GTF2F2: variants seen among roughly 807,000 people sequenced by gnomAD.
GTF2F2 encodes the protein general transcription factor IIF subunit 2.
GTF2F2 carries 23 observed loss-of-function variants against 42.2 expected under a neutral mutation model. The ratio of observed to expected loss-of-function variants is 0.55; its 90% CI spans 0.39 to 0.77. GTF2F2 has a LOEUF of 0.77. GTF2F2 is among the 30% of genes least tolerant of loss of function. The probability of loss-of-function intolerance (pLI) is 0.00; values close to 1 mark genes in which losing one functional copy is unlikely to be tolerated. For synonymous variants in GTF2F2, 105 were observed against 100.8 expected, an observed-to-expected ratio of 1.04 and a Z score of -0.25; for missense variants, 261 against 287.2, an observed-to-expected ratio of 0.91 and a Z score of 0.66.
intron 7 of GTF2F2, among the ~76,000 whole-genome samples, chr13:45,270,523 C>T (rs1307610256): frequency 6.6e-6 from 1 of 152,098 alleles, no homozygotes; most frequent in Non-Finnish European, 1.5e-5. Context: ...TATAAAGCCA[C>T]CAATTTCACT....
chr13:45,130,936 A>T (rs1338684410), intron 1 of GTF2F2, among the ~76,000 whole-genome samples: 1 of 152,144 alleles, frequency 6.6e-6, no homozygotes. Flanking sequence ...AAGCCACGAG[A>T]CTGGATGAAG....
At chr13:45,211,708 C>T (rs1335032454) in intron 5 of GTF2F2, among the ~76,000 whole-genome samples, 1 of 152,006 alleles carries the variant, frequency 6.6e-6, no homozygotes, top group Non-Finnish European at 1.5e-5. Context: ...CTGCCTCAGC[C>T]TCCCAAGTAG....
chr13:45,224,333 C>G (rs1423118116), intron 5 of GTF2F2, among the ~76,000 whole-genome samples: 2 of 152,120 alleles, frequency 1.3e-5, no homozygotes, highest in African/African-American at 4.8e-5. Flanking sequence ...AGCAAAGAAT[C>G]CAGTTTAAAA....
intron 5 of GTF2F2, among the ~76,000 whole-genome samples, chr13:45,245,666 A>AATATATATATATATAT (rs372488927): frequency 3.3e-4 from 37 of 110,840 alleles, no homozygotes; most frequent in African/African-American, 1.0e-3. Flanking sequence ...CCATGGTGTG[A>AATATATATATATATAT]ATATATATAT....
At chr13:45,246,334 A>G (rs1875613768) in intron 5 of GTF2F2, among the ~76,000 whole-genome samples, 1 of 152,086 alleles carries the variant, frequency 6.6e-6, no homozygotes, top group African/African-American at 2.4e-5. Flanking sequence ...TTTAAATTAT[A>G]GCCATTCTTG....
At chr13:45,243,909 C>T (rs1376723381) in intron 5 of GTF2F2, among the ~76,000 whole-genome samples, 1 of 152,218 alleles carries the variant, frequency 6.6e-6, no homozygotes, top group African/African-American at 2.4e-5. Context: ...GATCCACCCA[C>T]CTTGGCCTCC....
At chr13:45,187,275 A>G (rs1383839186) in intron 4 of GTF2F2, among the ~76,000 whole-genome samples, 1 of 152,144 alleles carries the variant, frequency 6.6e-6, no homozygotes, top group Non-Finnish European at 1.5e-5. Flanking sequence ...TAAAAGGGGT[A>G]TGTTTTAATT....
chr13:45,153,011 A>ATTTT (rs374461737), intron 4 of GTF2F2, among the ~76,000 whole-genome samples: 1 of 141,672 alleles, frequency 7.1e-6, no homozygotes. Context: ...ATCCTCGTAA[A>ATTTT]TTTTTTTTTT....
chr13:45,274,323 C>CTTTTTTTTTTT (rs367793010), intron 7 of GTF2F2, among the ~76,000 whole-genome samples: 1 of 102,428 alleles, frequency 9.8e-6, no homozygotes, highest in African/African-American at 4.3e-5. Flanking sequence ...ACAAATTATA[C>CTTTTTTTTTTT]TTTTTTTTTT....
chr13:45,159,532 C>T (rs999795707), intron 4 of GTF2F2, among the ~76,000 whole-genome samples: 2 of 152,142 alleles, frequency 1.3e-5, no homozygotes, highest in African/African-American at 4.8e-5. Flanking sequence ...CAGAATACTC[C>T]AAGTAGCAGA....
At chr13:45,136,255 A>G (rs1869613621) in intron 1 of GTF2F2, among the ~76,000 whole-genome samples, 1 of 152,222 alleles carries the variant, frequency 6.6e-6, no homozygotes, top group Admixed American at 6.5e-5. Context: ...GGATTATATA[A>G]ATGTTAGCTA....
At chr13:45,146,515 A>C (rs1040845066) in intron 2 of GTF2F2, among the ~76,000 whole-genome samples, 1 of 152,112 alleles carries the variant, frequency 6.6e-6, no homozygotes, top group East Asian at 1.9e-4. Context: ...AAAACAAAAC[A>C]AAACCAACAA....
chr13:45,211,279 A>G (rs1305229050), intron 5 of GTF2F2, among the ~76,000 whole-genome samples: 2 of 152,192 alleles, frequency 1.3e-5, no homozygotes, highest in Admixed American at 1.3e-4. Context: ...GTACCAAGGT[A>G]TAAATTATCA....
At chr13:45,250,421 C>G (rs933080289) in intron 5 of GTF2F2, among the ~76,000 whole-genome samples, 1 of 152,144 alleles carries the variant, frequency 6.6e-6, no homozygotes, top group Non-Finnish European at 1.5e-5. Context: ...TTAATATTTT[C>G]TTTTTATCAG....
At chr13:45,274,289 A>G (rs1157391589) in intron 7 of GTF2F2, among the ~76,000 whole-genome samples, 1 of 149,860 alleles carries the variant, frequency 6.7e-6, no homozygotes, top group East Asian at 1.9e-4. Context: ...TTTTCCTCTC[A>G]ATTTAAAACC....
chr13:45,184,253 A>G (rs1284466780), intron 4 of GTF2F2, among the ~76,000 whole-genome samples: 2 of 152,118 alleles, frequency 1.3e-5, no homozygotes, highest in Non-Finnish European at 2.9e-5. Context: ...CTTCGCAGGA[A>G]AGAGGTAGAT....
At chr13:45,217,549 G>A (rs1484841389) in intron 5 of GTF2F2, among the ~76,000 whole-genome samples, 1 of 152,178 alleles carries the variant, frequency 6.6e-6, no homozygotes, top group Non-Finnish European at 1.5e-5. Flanking sequence ...AACACTAGTA[G>A]AGCAACCAAA....
chr13:45,161,658 A>G (rs1452842149), intron 4 of GTF2F2, among the ~76,000 whole-genome samples: 1 of 152,210 alleles, frequency 6.6e-6, no homozygotes, highest in Admixed American at 6.5e-5. Flanking sequence ...CCTGGCCAAC[A>G]TGGTGAAACG....
At chr13:45,272,314 T>G (rs900721586) in intron 7 of GTF2F2, among the ~76,000 whole-genome samples, 9 of 151,256 alleles carry the variant, frequency 6.0e-5, no homozygotes, top group African/African-American at 2.2e-4. Context: ...TTTAATACTT[T>G]CTTTTTGAAT....
Sources: gnomAD v4.1 joint callset for allele counts (sites outside exome capture counted in the v4.1 genomes callset) on GRCh38, gnomAD v4.1.1 for gene constraint, MANE v1.5 for transcripts, NCBI Gene and HGNC (gene_info 2026-07-23, HGNC 2026-07-21) for gene names.